Variants in VWF observed in about 807,000 individuals in gnomAD.
VWF encodes Factor VIII related antigen.
A neutral mutation model predicts 308.6 loss-of-function variants in VWF; 176 were observed. That is an observed-to-expected ratio of 0.57 (90% CI 0.50 to 0.65). The LOEUF (loss-of-function observed/expected upper bound fraction) is 0.65, where lower values mean the gene tolerates loss of function less well. Ranked by LOEUF, VWF falls within the 30% of genes least tolerant of loss-of-function variation. The probability of loss-of-function intolerance (pLI) is 0.00; values close to 1 mark genes in which losing one functional copy is unlikely to be tolerated. For synonymous variants in VWF, 1,385 were observed against 1,443.4 expected, an observed-to-expected ratio of 0.96 and a Z score of 0.92; for missense variants, 3,146 against 3,648.2, an observed-to-expected ratio of 0.86 and a Z score of 3.55.
At chr12:6,048,181 T>C (rs1259558765) in intron 16 of VWF, among the ~76,000 whole-genome samples, 1 of 152,266 alleles carries the variant, frequency 6.6e-6, no homozygotes, top group Non-Finnish European at 1.5e-5. Context: ...TGCTTTGTTT[T>C]GTTTGGAGAC....
At chr12:6,015,264 T>C (rs1264673813) in intron 31 of VWF, among the ~76,000 whole-genome samples, 1 of 152,164 alleles carries the variant, frequency 6.6e-6, no homozygotes, top group African/African-American at 2.4e-5. Context: ...GAACTCCCAG[T>C]TTTTTGCAAG....
In VWF at chr12:6,018,278, G is replaced by A. The variant is rs878930905; in HGVS notation, c.5053+87C>T. ...ACCAGGGAAGCCAGGATTAGAACCC[G>A]AGTCGTATCTTGGCAGATGCATGTA... On this transcript the variant is annotated intron_variant, in intron 28 of 51. Transcript: ENST00000261405. The A allele has an allele frequency of 1.2e-5, 18 of 1,502,794 alleles. No homozygotes were observed. The African/African-American group carries it at 1.8e-4, about 15-fold the overall frequency. 93.1% of individuals were successfully genotyped at this position (1,502,794 alleles called of 1,614,324 possible).
At chr12:6,057,488 TATTATTA>T (rs1944595200) in intron 14 of VWF, among the ~76,000 whole-genome samples, 1 of 113,850 alleles carries the variant, frequency 8.8e-6, no homozygotes, top group Non-Finnish European at 1.9e-5. Flanking sequence ...AATTTATTAT[TATTATTA>T]TTATTATTAT....
chr12:5,983,180 G>T lies in VWF; in HGVS notation c.7051C>A (p.Pro2351Thr), dbSNP rs1339970856. Residue 2351 changes from proline (P) to threonine (T), a missense_variant, in exon 41 of 52, where the codon CCT becomes ACT. Transcript: ENST00000261405. ...GTGAAGTTGGGTCTGCACTCGCCAGGGTTGGTCAGTGTGGGCTGGAGGCCA... is the reference window on the plus strand; with the variant it reads ...GTGAAGTTGGGTCTGCACTCGCCAGTGTTGGTCAGTGTGGGCTGGAGGCCA... Reference protein sequence around the residue: ...ERGLQPTLTNPGECRPNFTCA... With the variant: ...ERGLQPTLTNTGECRPNFTCA... 1 of 1,614,100 alleles carries T rather than the reference G, an allele frequency of 6.2e-7. No homozygotes were observed.
At chr12:5,954,080 A>T (rs1000713028) in intron 47 of VWF, among the ~76,000 whole-genome samples, 6 of 152,188 alleles carry the variant, frequency 3.9e-5, no homozygotes, top group Non-Finnish European at 8.8e-5. Flanking sequence ...AATGTATCTC[A>T]AACTCATCCA....
rs200486416 is a variant in VWF, at chr12:5,976,187, G to T, written c.7361C>A (p.Thr2454Asn). 4.3e-6 allele frequency: 7 copies of T among 1,614,144 alleles called. No homozygotes were observed. In the East Asian group the frequency reaches 1.6e-4, roughly 36 times the overall value. The change falls in exon 43 of 52, where the codon ACC becomes AAC. Residue 2454 changes from threonine to asparagine, a missense_variant. Around this residue, in one of 3 missense-constraint regions of VWF, gnomAD observed 989 missense variants for 1,117.4 expected, o/e 0.89. Transcript: ENST00000261405. ...GCCCATCACGGCATCCTCCATGTCG[G>T]TGCAGGTGCACACATCGCAGCCCTC... is the stretch of plus-strand genomic sequence containing the variant. ...WEEGCDVCTC[T>N]DMEDAVMGLR... is the part of the protein sequence containing the mutation.
Position 6,092,626 on chromosome 12 carries a change from T to TGAGAGAGAGAGAGA in VWF, c.657+2833_657+2834insTCTCTCTCTCTCTC, listed in dbSNP as rs1242670462. Among the ~76,000 whole-genome samples the TGAGAGAGAGAGAGA allele has an allele frequency of 3.5e-4, 29 of 83,526 alleles. 1 individual carries two copies. The highest frequency in any genetic ancestry group is 2.6e-3 in the South Asian group (7 of 2,644). The allele number at this position is 83,526 out of a possible 152,430, so 54.8% of individuals were successfully genotyped here. A position where few individuals can be genotyped will look rare whatever the true frequency, so the allele number is the denominator to read the frequency against. Reference sequence around the variant, plus strand: ...GTTAGTGAGTGAGTGAGAGTGTGTGTGTGTGTGTGTGTGTGTGTGTGTGTG... The same window carrying TGAGAGAGAGAGAGA: ...GTTAGTGAGTGAGTGAGAGTGTGTGTGAGAGAGAGAGAGAGTGTGTGTGTGTGTGTGTGTGTGTG... On this transcript the variant is annotated intron_variant, in intron 6 of 51. Transcript: ENST00000261405.
chr12:5,979,368 T>C (rs1427672449), intron 42 of VWF, among the ~76,000 whole-genome samples: 1 of 152,220 alleles, frequency 6.6e-6, no homozygotes, highest in Non-Finnish European at 1.5e-5. Context: ...CACTTATAAA[T>C]AGTAAAACTA....
At chr12:6,052,843 TCTAGGACTTGCCACCCCTTGTAG>T (rs1230768173) in intron 15 of VWF, 60 bp from the exon 16 acceptor site, 25 of 1,577,524 alleles carry the variant, frequency 1.6e-5, no homozygotes, top group Non-Finnish European at 2.1e-5. Context: ...GGACTGTGGT[TCTAGGACTTGCCACCCCTTGTAG>T]CTGTGACCCC....
intron 43 of VWF, among the ~76,000 whole-genome samples, 179 bp downstream of exon 43, chr12:5,975,932 C>G (rs957430109): frequency 5.9e-5 from 9 of 152,106 alleles, no homozygotes; most frequent in African/African-American, 2.2e-4. Flanking sequence ...TGCCCTTCCT[C>G]GTGAACCCGG....
At position 5,985,629 on chromosome 12, in the gene VWF, G is replaced by C; in HGVS notation, c.6835C>G (p.Gln2279Glu). Residue 2279 changes from glutamine to glutamate, a missense_variant, in exon 39 of 52, where the codon CAG (glutamine) becomes GAG (glutamate). Physicochemically the swap from Gln to Glu is conservative, Grantham distance 29. Around this residue, in one of 3 missense-constraint regions of VWF, gnomAD observed 989 missense variants for 1,117.4 expected, o/e 0.89. Coordinates refer to ENST00000261405, the MANE Select transcript of VWF (RefSeq NM_000552.5). The part of the protein sequence containing the change: ...EAWVPDHQPC[Q>E]ICTCLSGRKV... ...CGCCCGCTGAGGCATGTGCAGATCTGACAGGGCTGGTGGTCCGGGACCCAG... is the reference window on the plus strand; with the variant it reads ...CGCCCGCTGAGGCATGTGCAGATCTCACAGGGCTGGTGGTCCGGGACCCAG... 1.2e-6 allele frequency: 2 copies of C among 1,614,150 alleles called. No homozygotes were observed. Among genetic ancestry groups the C allele is most frequent in the Non-Finnish European group, 1.7e-6 (2 of 1,180,040 alleles).
chr12:6,061,751 G>A (rs913722343), intron 13 of VWF, among the ~76,000 whole-genome samples: 31 of 152,336 alleles, frequency 2.0e-4, no homozygotes, highest in African/African-American at 2.6e-4. Context: ...AGGGGTCTGC[G>A]AGACCAAAAC....
chr12:5,967,394 A>C (rs1943415330), intron 47 of VWF, 92 bp downstream of exon 47: 1 of 1,014,976 alleles, frequency 9.9e-7, no homozygotes, highest in African/African-American at 1.6e-5. Context: ...ATAATGAGAG[A>C]TTTATTTATT....
chr12:5,996,548 A>C (rs1014252359), intron 34 of VWF, among the ~76,000 whole-genome samples: 7 of 152,180 alleles, frequency 4.6e-5, no homozygotes, highest in African/African-American at 1.7e-4. Context: ...CTTGGCCCAG[A>C]AAACAAAGTT....
rs1250915385 is a variant in VWF at position 6,092,620 on chromosome 12, T to TGAGAGTGAGAGAGAGAGAGTGA, written c.657+2839_657+2840insTCACTCTCTCTCTCTCACTCTC. Among the ~76,000 whole-genome samples the TGAGAGTGAGAGAGAGAGAGTGA allele has an allele frequency of 2.7e-3, 242 of 89,570 alleles. 13 individuals carry two copies. Among genetic ancestry groups the TGAGAGTGAGAGAGAGAGAGTGA allele is most frequent in the African/African-American group, 0.012 (207 of 16,684 alleles). The allele number at this position is 89,570 out of a possible 152,430, so 58.8% of individuals were successfully genotyped here. The stretch of plus-strand genomic sequence containing the variant: ...CAGCTAGTTAGTGAGTGAGTGAGAG[T>TGAGAGTGAGAGAGAGAGAGTGA]GTGTGTGTGTGTGTGTGTGTGTGTG... On this transcript the variant is annotated intron_variant, in intron 6 of 51. Transcript: ENST00000261405.
At chr12:5,980,087 AAAGAAAGG>A (rs1293745900) in intron 42 of VWF, among the ~76,000 whole-genome samples, 4,262 of 78,262 alleles carry the variant, frequency 0.054, 149 homozygotes, top group African/African-American at 0.078. Flanking sequence ...GAAAGAAAAG[AAAGAAAGG>A]AAGGAAGGAA....
chr12:6,016,848 C>A lies in VWF; in HGVS notation c.5076G>T (p.Val1692=). ...TGGAGGAGCCATCCAGGAGAAGGATCACGTCCAGGGGCTGGCTGCAGTCTG... is the reference window on the plus strand; with the variant it reads ...TGGAGGAGCCATCCAGGAGAAGGATAACGTCCAGGGGCTGGCTGCAGTCTG... ...PAPDCSQPLD[V]ILLLDGSSSF... is the part of the protein sequence containing the mutation. The change falls in exon 29 of 52, where the codon GTG becomes GTT. Residue 1692 remains valine (V), a synonymous_variant. Transcript: ENST00000261405. 6.2e-7 allele frequency: 1 copy of A among 1,614,070 alleles called. No individual in the cohort carries two copies. Among genetic ancestry groups the A allele is most frequent in the South Asian group, 1.1e-5 (1 of 91,074 alleles).
At chr12:6,054,664 G>A (rs1156298367) in intron 15 of VWF, among the ~76,000 whole-genome samples, 2 of 152,166 alleles carry the variant, frequency 1.3e-5, no homozygotes, top group Admixed American at 1.3e-4. Context: ...TCTTCCCAAA[G>A]GGAGCACAAC....
At position 6,019,627 on chromosome 12, in the gene VWF, T is replaced by G. The variant is rs1367762735; in HGVS notation, c.3791A>C (p.Glu1264Ala). ...PTTLYVEDISEPPLHDFYCSR... is the reference protein window; with the variant it reads ...PTTLYVEDISAPPLHDFYCSR... ...GCAGTAGAAATCGTGCAACGGCGGT[T>G]CCGAGATGTCCTCCACATACAGAGT... Residue 1264 changes from glutamate to alanine, a missense_variant, in exon 28 of 52, where the codon GAA (glutamate) becomes GCA (alanine). Coordinates refer to ENST00000261405, the MANE Select transcript of VWF (RefSeq NM_000552.5). The surrounding 1 kb of genome is among the most constrained non-coding windows in gnomAD (Gnocchi z 5.8). The G allele has an allele frequency of 6.2e-7, 1 of 1,613,868 alleles. No individual in the cohort carries two copies. Among genetic ancestry groups the G allele is most frequent in the Admixed American group, 1.7e-5 (1 of 60,024 alleles).
Sources: gnomAD v4.1 joint callset for allele counts (sites outside exome capture counted in the v4.1 genomes callset) on GRCh38, gnomAD v4.1.1 for gene constraint, gnomAD v4.1.1 regional missense constraint, Gnocchi (gnomAD v3.1) non-coding constraint, MANE v1.5 for transcripts, NCBI Gene and HGNC (gene_info 2026-07-23, HGNC 2026-07-21) for gene names.